CROCC: variants seen among roughly 807,000 people sequenced by gnomAD.
CROCC encodes rootletin.
A neutral mutation model predicts 245.2 loss-of-function variants in CROCC; 180 were observed. That is an observed-to-expected ratio of 0.73 (90% confidence interval 0.65 to 0.83). CROCC has a LOEUF of 0.83. Ranked by LOEUF, CROCC falls within the 40% of genes least tolerant of loss-of-function variation. CROCC has a pLI of 0.00. For synonymous variants in CROCC, 1,205 were observed against 1,241.6 expected (o/e 0.97, Z 0.62); for missense variants, 2,688 against 2,779.4 (o/e 0.97, Z 0.74).
chr1:16,955,325 G>A lies in CROCC; in HGVS notation c.3479G>A (p.Arg1160Gln), dbSNP rs376440331. ...CTGTGCTCACAGGCAGAAGAGCTTC[G>A]GACCCAGCTGCGTCTGCTGGAGGAT... ...DSCLREAEELRTQLRLLEDAR... is the reference protein window; with the variant it reads ...DSCLREAEELQTQLRLLEDAR... Residue 1160 changes from arginine (R) to glutamine (Q), a missense_variant, in exon 24 of 37, where the codon CGG becomes CAG. Around this residue, in one of 9 missense-constraint regions of CROCC, gnomAD observed 1,218 missense variants for 1,286.3 expected, o/e 0.95. Transcript: ENST00000375541. 95 of 1,607,798 alleles carry A rather than the reference G, an allele frequency of 5.9e-5. No homozygotes were observed. Among genetic ancestry groups the A allele is most frequent in the Non-Finnish European group, 7.2e-5 (85 of 1,179,666 alleles).
intron 19 of CROCC, among the ~76,000 whole-genome samples, 168 bp downstream of exon 19, chr1:16,949,094 T>C (rs2076115897): frequency 1.3e-5 from 2 of 152,292 alleles, no homozygotes; most frequent in Non-Finnish European, 2.9e-5. Flanking sequence ...AGCAAGCCCC[T>C]TTCCTCTCTG....
At chr1:16,967,816 G>T (rs2076443770) in intron 30 of CROCC, among the ~76,000 whole-genome samples, 1 of 152,148 alleles carries the variant, frequency 6.6e-6, no homozygotes, top group Non-Finnish European at 1.5e-5. Flanking sequence ...CGAGTCAGTG[G>T]GGCAGGAGAA....
rs2076412259 is a variant in CROCC at position 16,966,046 on chromosome 1, G to T, written c.4623G>T (p.Glu1541Asp). Residue 1541 changes from glutamate to aspartate, a missense_variant, in exon 29 of 37, where the codon GAG (glutamate) becomes GAT (aspartate). This residue lies in a region of CROCC where 1,218 missense variants were observed against 1,286.3 expected (regional missense o/e 0.95). Transcript: ENST00000375541. This position sits in a 1 kb window ranked among gnomAD's most constrained non-coding sequence, Gnocchi z 4.8. ...GTGCCCTGAATCGCCAGCTGGCCGA[G>T]ATGGAGGCTGAGAGGGACAGCGCAA... is the stretch of plus-strand genomic sequence containing the variant. ...QTSALNRQLA[E>D]MEAERDSATS... 6.2e-6 allele frequency: 10 copies of T among 1,613,942 alleles called. No homozygotes were observed. Among genetic ancestry groups the T allele is most frequent in the Non-Finnish European group, 8.5e-6 (10 of 1,179,848 alleles).
chr1:16,951,019 T>G lies in CROCC; in HGVS notation c.2903T>G (p.Leu968Arg). 1 of 1,607,108 alleles carries G rather than the reference T, an allele frequency of 6.2e-7. No homozygotes were observed. The highest frequency in any genetic ancestry group is 8.5e-7 in the Non-Finnish European group (1 of 1,177,720). ...GAGAAAGCCAGTCTAGACAAGGAGC[T>G]GATGGCCCAGAAGCTGGTGCAGGCT... Reference protein sequence around the residue: ...TQEKASLDKELMAQKLVQAER... With the variant: ...TQEKASLDKERMAQKLVQAER... The change falls in exon 20 of 37, where the codon CTG becomes CGG. Residue 968 changes from leucine to arginine, a missense_variant. Physicochemically the swap from Leu to Arg is moderately radical, Grantham distance 102. Coordinates refer to ENST00000375541, the MANE Select transcript of CROCC (RefSeq NM_014675.5).
Position 16,922,798 on chromosome 1 carries a change from G to T in CROCC, c.196G>T (p.Val66Phe), listed in dbSNP as rs762580426. The change falls in exon 2 of 37, where the codon GTC (valine) becomes TTC (phenylalanine). Residue 66 changes from valine to phenylalanine, a missense_variant and splice_region_variant. Physicochemically the swap from Val to Phe is conservative, Grantham distance 50 (BLOSUM62 -1). Around this residue, in one of 9 missense-constraint regions of CROCC, gnomAD observed 972 missense variants for 895.3 expected, o/e 1.09. Coordinates refer to ENST00000375541, the MANE Select transcript of CROCC (RefSeq NM_014675.5). Reference protein sequence around the residue: ...TRNLSQPESPVLLPATEMASL... With the variant: ...TRNLSQPESPFLLPATEMASL... ...CAACCTCTCCCAGCCTGAGAGCCCAGGTGCCACCCCCATCCGCTCCCCTCC... is the reference window on the plus strand; with the variant it reads ...CAACCTCTCCCAGCCTGAGAGCCCATGTGCCACCCCCATCCGCTCCCCTCC... The T allele has an allele frequency of 6.2e-7, 1 of 1,611,520 alleles. No individual in the cohort carries two copies. The highest frequency in any genetic ancestry group is 2.2e-5 in the East Asian group (1 of 44,886).
chr1:16,972,256 T>C lies in CROCC; in HGVS notation c.5968-104T>C, dbSNP rs59768494. ...CCTGGCTCTCAGTGAGACCAGACCTTTCCTGAAACTGTGGCACTGTGTCCC... is the reference window on the plus strand; with the variant it reads ...CCTGGCTCTCAGTGAGACCAGACCTCTCCTGAAACTGTGGCACTGTGTCCC... On this transcript the variant is annotated intron_variant, in intron 36 of 36. Coordinates refer to ENST00000375541, the MANE Select transcript of CROCC (RefSeq NM_014675.5). 0.016 allele frequency: 14,376 copies of C among 896,552 alleles called. 1,340 individuals carry two copies. In the African/African-American group the frequency reaches 0.2, roughly 13 times the overall value. The allele number at this position is 896,552 out of a possible 1,614,324, so 55.5% of individuals were successfully genotyped here.
chr1:16,946,162 G>A (rs1227124723), intron 15 of CROCC, 97 bp from the exon 16 acceptor site: 11 of 1,362,738 alleles, frequency 8.1e-6, no homozygotes, highest in Non-Finnish European at 1.1e-5. Context: ...CCCCTACCCT[G>A]TCTCTGAGGG....
At chr1:16,916,731 T>C (rs2075309190) in intron 1 of CROCC, among the ~76,000 whole-genome samples, 1 of 152,300 alleles carries the variant, frequency 6.6e-6, no homozygotes, top group South Asian at 2.1e-4. Flanking sequence ...AGGGCTGGTC[T>C]CAAACGCCTG....
chr1:16,960,913 C>T lies in CROCC; in HGVS notation c.4188C>T (p.Ala1396=), dbSNP rs775730052. 2.7e-5 allele frequency: 41 copies of T among 1,503,602 alleles called. No homozygotes were observed. Among genetic ancestry groups the T allele is most frequent in the Non-Finnish European group, 3.3e-5 (37 of 1,133,512 alleles). 93.1% of individuals were successfully genotyped at this position (1,503,602 alleles called of 1,614,324 possible). ...AGCTGAAGCTGGAGGCGGCGCGGGC[C>T]GAGGCTGCAGAGCTGGGCCTGCGGC... ...GLELKLEAAR[A]EAAELGLRLS... Residue 1396 remains alanine (A), a synonymous_variant, in exon 27 of 37, where the codon GCC becomes GCT. Transcript: ENST00000375541.
chr1:16,942,007 GA>G (rs2075945191), intron 13 of CROCC, among the ~76,000 whole-genome samples: 1 of 152,192 alleles, frequency 6.6e-6, no homozygotes, highest in Non-Finnish European at 1.5e-5. Flanking sequence ...TAGCCTTGAA[GA>G]TTTTTTTTTT....
Position 16,954,661 on chromosome 1 carries a change from A to C in CROCC, c.3322-73A>C. ...GTTTAGAGCTAAAAGTGGACAGTGC[A>C]CTGAGCGGGTTGGGAGCAGCCCGGG... is the stretch of plus-strand genomic sequence containing the variant. On this transcript the variant is annotated intron_variant, in intron 22 of 36. Coordinates refer to ENST00000375541, the MANE Select transcript of CROCC (RefSeq NM_014675.5). This position sits in a 1 kb window ranked among gnomAD's most constrained non-coding sequence, Gnocchi z 4.4. 6.8e-7 allele frequency: 1 copy of C among 1,477,594 alleles called. No individual in the cohort carries two copies. The highest frequency in any genetic ancestry group is 1.3e-5 in the South Asian group (1 of 74,752). 91.5% of individuals were successfully genotyped at this position (1,477,594 alleles called of 1,614,324 possible).
At chr1:16,964,411 C>A (rs2076386908) in intron 27 of CROCC, among the ~76,000 whole-genome samples, 1 of 150,680 alleles carries the variant, frequency 6.6e-6, no homozygotes, top group Non-Finnish European at 1.5e-5. Context: ...TTGACCGAGT[C>A]TCACTCTGTT....
Position 16,954,891 on chromosome 1 carries a change from C to T in CROCC, c.3465+14C>T, listed in dbSNP as rs528674645. Reference sequence around the variant, plus strand: ...TGTCTTCGCGAGGTGAGCAGCCGCCCCCCTCTTCCAAGCAGCATACCCTAA... The same window carrying T: ...TGTCTTCGCGAGGTGAGCAGCCGCCTCCCTCTTCCAAGCAGCATACCCTAA... On this transcript the variant is annotated intron_variant, in intron 23 of 36. Coordinates refer to ENST00000375541, the MANE Select transcript of CROCC (RefSeq NM_014675.5). The surrounding 1 kb of genome is among the most constrained non-coding windows in gnomAD (Gnocchi z 4.4). 5.1e-5 allele frequency: 78 copies of T among 1,515,446 alleles called. 1 individual carries two copies. In the South Asian group the frequency reaches 9.5e-4, roughly 18 times the overall value. 93.9% of individuals were successfully genotyped at this position (1,515,446 alleles called of 1,614,324 possible).
rs1230085900 is a variant in CROCC, at chr1:16,937,702, G to A, written c.1255G>A (p.Val419Ile). 6 of 1,611,352 alleles carry A rather than the reference G, an allele frequency of 3.7e-6. No individual in the cohort carries two copies. In the South Asian group the frequency reaches 6.6e-5, roughly 18 times the overall value. ...GAAGCAGAATCTGGAGAAGGATCAGGTCAACAAGGACCTCACTGAGAAGCT... is the reference window on the plus strand; with the variant it reads ...GAAGCAGAATCTGGAGAAGGATCAGATCAACAAGGACCTCACTGAGAAGCT... ...LEKQNLEKDQ[V>I]NKDLTEKLEA... is the part of the protein sequence containing the mutation. The change falls in exon 10 of 37, where the codon GTC (valine) becomes ATC (isoleucine). Residue 419 changes from valine (V) to isoleucine (I), a missense_variant. Transcript: ENST00000375541.
chr1:16,923,058 GA>G (rs2075445411), intron 2 of CROCC, among the ~76,000 whole-genome samples: 1 of 152,304 alleles, frequency 6.6e-6, no homozygotes, highest in South Asian at 2.1e-4. Context: ...CTGCTGCAGA[GA>G]TGTGAACCCC....
At position 16,953,598 on chromosome 1, in the gene CROCC, G is replaced by T. The variant is rs1406603914; in HGVS notation, c.3186+117G>T. The T allele has an allele frequency of 2.5e-5, 25 of 997,128 alleles. No homozygotes were observed. The African/African-American group carries it at 3.6e-4, about 14-fold the overall frequency. 61.8% of individuals were successfully genotyped at this position (997,128 alleles called of 1,614,324 possible). A position where few individuals can be genotyped will look rare whatever the true frequency, so the allele number is the denominator to read the frequency against. On this transcript the variant is annotated intron_variant, in intron 21 of 36. Transcript: ENST00000375541. ...TGGGGCAGGCCACTGCCCTCTTGGG[G>T]GCCTCAGTTTCCTTACCTGCAGGAG...
At chr1:16,970,167 G>C (rs1477322454) in intron 33 of CROCC, 86 bp from the exon 34 acceptor site, 1 of 1,371,166 alleles carries the variant, frequency 7.3e-7, no homozygotes, top group East Asian at 2.5e-5. Flanking sequence ...CCTGCTCTGT[G>C]AGTGGGCCAG....
chr1:16,960,555 A>G (rs2076313515), intron 26 of CROCC, among the ~76,000 whole-genome samples: 1 of 152,256 alleles, frequency 6.6e-6, no homozygotes, highest in African/African-American at 2.4e-5. Flanking sequence ...GCTTGTATAA[A>G]GAATAAAGAG....
Position 16,954,203 on chromosome 1 carries a change from T to C in CROCC, c.3187-20T>C. Reference sequence around the variant, plus strand: ...GGACCAGCCCATCCCCCAAGCCCTTTGTCCCCTGCCTCTGCCCAGGCCTTG... The same window carrying C: ...GGACCAGCCCATCCCCCAAGCCCTTCGTCCCCTGCCTCTGCCCAGGCCTTG... On this transcript the variant is annotated intron_variant, in intron 21 of 36. Transcript: ENST00000375541. This position sits in a 1 kb window ranked among gnomAD's most constrained non-coding sequence, Gnocchi z 4.4. 1 of 1,602,470 alleles carries C rather than the reference T, an allele frequency of 6.2e-7. No homozygotes were observed. Among genetic ancestry groups the C allele is most frequent in the Non-Finnish European group, 8.5e-7 (1 of 1,173,248 alleles).
Sources: allele counts gnomAD v4.1 joint callset (sites outside exome capture counted in the v4.1 genomes callset), GRCh38; gene constraint gnomAD v4.1.1; regional missense constraint gnomAD v4.1.1; non-coding constraint Gnocchi (gnomAD v3.1); transcripts MANE v1.5; gene names NCBI Gene and HGNC (gene_info 2026-07-23, HGNC 2026-07-21).